Variants in MYBPHL observed in about 807,000 individuals in gnomAD.
MYBPHL encodes myosin binding protein H like.
Under a neutral mutation model 39.5 loss-of-function variants are expected in MYBPHL, and 32 were observed. That is an observed-to-expected ratio of 0.81 (90% confidence interval 0.61 to 1.09). MYBPHL has a LOEUF of 1.09. Among genes scored for constraint, MYBPHL ranks in the 50% least tolerant of loss-of-function variants. The pLI is 0.00. For synonymous variants in MYBPHL, 196 were observed against 183.7 expected (o/e 1.07, Z -0.54); for missense variants, 456 against 460.2 (o/e 0.99, Z 0.08).
intron 2 of MYBPHL, 81 bp downstream of exon 2, chr1:109,298,088 C>G: frequency 2.5e-6 from 3 of 1,212,746 alleles, no homozygotes; most frequent in Non-Finnish European, 3.5e-6. Context: ...CCTCTGCTAG[C>G]AGGACTCTTG....
intron 4 of MYBPHL, 46 bp downstream of exon 4, chr1:109,297,004 C>A: frequency 1.2e-6 from 2 of 1,613,932 alleles, no homozygotes; most frequent in Non-Finnish European, 1.7e-6. Flanking sequence ...AGAGGCCTGT[C>A]CCAACATGCC....
intron 6 of MYBPHL, 50 bp from the exon 7 acceptor site, chr1:109,295,347 C>G (rs763809600): frequency 6.5e-7 from 1 of 1,537,648 alleles, no homozygotes; most frequent in Non-Finnish European, 8.9e-7. Context: ...GGGTAAGAAC[C>G]AATAGTCTTT....
At chr1:109,301,065 C>A (rs533046565) in intron 1 of MYBPHL, among the ~76,000 whole-genome samples, 1 of 152,320 alleles carries the variant, frequency 6.6e-6, no homozygotes, top group African/African-American at 2.4e-5. Context: ...CGCCTCTCAA[C>A]CCAACCCAGG....
chr1:109,300,255 GC>G (rs1658234835), intron 1 of MYBPHL, among the ~76,000 whole-genome samples: 1 of 152,192 alleles, frequency 6.6e-6, no homozygotes, highest in Non-Finnish European at 1.5e-5. Context: ...AGAGACTCCT[GC>G]CTCCCCATCT....
Position 109,295,399 on chromosome 1 carries a change from G to A in MYBPHL, c.868-102C>T, listed in dbSNP as rs928914198. On this transcript the variant is annotated intron_variant, in intron 6 of 8. Transcript: ENST00000357155. ...GGACTCTGTCTATATAGAGATAATG[G>A]CTTTCTGGAAGGCTCCCTGTTCCTT... 4 of 1,104,566 alleles carry A rather than the reference G, an allele frequency of 3.6e-6. No homozygotes were observed. The Admixed American group carries it at 7.6e-5, about 21-fold the overall frequency. 68.4% of individuals were successfully genotyped at this position (1,104,566 alleles called of 1,614,324 possible).
chr1:109,296,315 C>T lies in MYBPHL; in HGVS notation c.786G>A (p.Lys262=), dbSNP rs1264608583. Reference sequence around the variant, plus strand: ...TGCAGTCGGCCAGAGGCTGGGTAAACTTTGGGGCTTCAGAGAAGTCTCGTT... The same window carrying T: ...TGCAGTCGGCCAGAGGCTGGGTAAATTTTGGGGCTTCAGAGAAGTCTCGTT... ...FAQRDFSEAP[K]FTQPLADCTT... The change falls in exon 6 of 9, where the codon AAG becomes AAA. Residue 262 remains lysine (K), a synonymous_variant. Transcript: ENST00000357155. The T allele has an allele frequency of 6.2e-6, 10 of 1,614,056 alleles. No homozygotes were observed. Among genetic ancestry groups the T allele is most frequent in the Non-Finnish European group, 7.6e-6 (9 of 1,180,036 alleles).
chr1:109,294,261 C>T lies in MYBPHL; in HGVS notation c.1055-12G>A, dbSNP rs368283170. On this transcript the variant is annotated splice_polypyrimidine_tract_variant and intron_variant, in intron 7 of 8. Transcript: ENST00000357155. Reference sequence around the variant, plus strand: ...TCCTCAATTAGGAACTGTAATAATTCGGACATTTCTCAGTGTTAACATCTC... The same window carrying T: ...TCCTCAATTAGGAACTGTAATAATTTGGACATTTCTCAGTGTTAACATCTC... 2.5e-5 allele frequency: 40 copies of T among 1,609,028 alleles called. No individual in the cohort carries two copies. Among genetic ancestry groups the T allele is most frequent in the Middle Eastern group, 1.6e-4 (1 of 6,074 alleles).
At chr1:109,303,032 T>A (rs534758133) in intron 1 of MYBPHL, among the ~76,000 whole-genome samples, 1 of 152,218 alleles carries the variant, frequency 6.6e-6, no homozygotes, top group South Asian at 2.1e-4. Context: ...AGCCCCAAGA[T>A]GAAAGAGGCC....
intron 2 of MYBPHL, 148 bp downstream of exon 2, chr1:109,298,021 T>A: frequency 1.5e-6 from 1 of 666,534 alleles, no homozygotes; most frequent in South Asian, 2.1e-5. Context: ...GCAGAGGTCA[T>A]TTGGCCTCAG....
intron 1 of MYBPHL, among the ~76,000 whole-genome samples, chr1:109,303,002 C>T (rs550251347): frequency 3.5e-4 from 53 of 152,290 alleles, no homozygotes; most frequent in African/African-American, 1.1e-3. Flanking sequence ...CAGATGATCA[C>T]GGGCCCTAAG....
rs371567150 is a variant in MYBPHL, at chr1:109,296,405, T to A, written c.731-35A>T. 11 of 1,610,794 alleles carry A rather than the reference T, an allele frequency of 6.8e-6. No individual in the cohort carries two copies. In the African/African-American group the frequency reaches 1.5e-4, roughly 22 times the overall value. On this transcript the variant is annotated intron_variant, in intron 5 of 8. Coordinates refer to ENST00000357155, the MANE Select transcript of MYBPHL (RefSeq NM_001010985.3). The stretch of plus-strand genomic sequence containing the variant: ...CCAAGAGGGGCTGGCATGTAGCTTC[T>A]GAGATCCCAGCCCTCGTCGACTCTT...
At chr1:109,300,813 C>T (rs1389786093) in intron 1 of MYBPHL, among the ~76,000 whole-genome samples, 2 of 152,118 alleles carry the variant, frequency 1.3e-5, no homozygotes, top group African/African-American at 4.8e-5. Context: ...CCTCCCTGGA[C>T]GGCTCCATTG....
intron 1 of MYBPHL, among the ~76,000 whole-genome samples, chr1:109,305,167 C>T (rs1294408536): frequency 6.6e-6 from 1 of 152,146 alleles, no homozygotes; most frequent in African/African-American, 2.4e-5. Flanking sequence ...CCATATCCAC[C>T]AAAAGGTTAA....
chr1:109,299,825 T>C (rs1314513824), intron 1 of MYBPHL, among the ~76,000 whole-genome samples: 2 of 152,230 alleles, frequency 1.3e-5, no homozygotes, highest in African/African-American at 4.8e-5. Context: ...CTGCTGTGGC[T>C]GCCCTCGGCT....
Position 109,296,372 on chromosome 1 carries a change from T to G in MYBPHL, c.731-2A>C. The G allele has an allele frequency of 6.2e-7, 1 of 1,613,742 alleles. No individual in the cohort carries two copies. The highest frequency in any genetic ancestry group is 8.5e-7 in the Non-Finnish European group (1 of 1,179,958). Reference sequence around the variant, plus strand: ...ACCCCTTGGTCTTGTAAACAGTAGCTGAGGGCACCAAGAGGGGCTGGCATG... The same window carrying G: ...ACCCCTTGGTCTTGTAAACAGTAGCGGAGGGCACCAAGAGGGGCTGGCATG... On this transcript the variant is annotated splice_acceptor_variant, in intron 5 of 8. Transcript: ENST00000357155. LOFTEE classifies it high-confidence loss of function.
At chr1:109,294,380 AC>A (rs1349701192) in intron 7 of MYBPHL, 131 bp from the exon 8 acceptor site, 3 of 794,174 alleles carry the variant, frequency 3.8e-6, no homozygotes, top group Non-Finnish European at 6.4e-6. Flanking sequence ...GGTAGTCTAT[AC>A]ATAGAGAAGA....
intron 1 of MYBPHL, among the ~76,000 whole-genome samples, chr1:109,305,309 T>A (rs1488494461): frequency 2.6e-5 from 4 of 152,210 alleles, no homozygotes; most frequent in Admixed American, 2.6e-4. Context: ...CAGATGCACA[T>A]ATATTTTGCA....
intron 1 of MYBPHL, among the ~76,000 whole-genome samples, chr1:109,300,982 C>T (rs781319971): frequency 3.9e-5 from 6 of 152,208 alleles, no homozygotes; most frequent in Non-Finnish European, 5.9e-5. Context: ...CAGCTGACTA[C>T]GTGCAGAGGT....
intron 1 of MYBPHL, among the ~76,000 whole-genome samples, chr1:109,303,428 C>A (rs1018403057): frequency 6.6e-6 from 1 of 152,214 alleles, no homozygotes; most frequent in South Asian, 2.1e-4. Flanking sequence ...AAACTTCCCA[C>A]CCACTCAGTG....
Sources: allele counts gnomAD v4.1 joint callset (sites outside exome capture counted in the v4.1 genomes callset), GRCh38; gene constraint gnomAD v4.1.1; transcripts MANE v1.5; gene names NCBI Gene and HGNC (gene_info 2026-07-23, HGNC 2026-07-21).